MAP4: variants seen among roughly 807,000 people sequenced by gnomAD.
MAP4 encodes the protein microtubule associated protein 4.
A neutral mutation model predicts 170.2 loss-of-function variants in MAP4; 76 were observed. That is an observed-to-expected ratio of 0.45 (90% confidence interval 0.37 to 0.54). MAP4 has a LOEUF of 0.54. MAP4 is among the 20% of genes least tolerant of loss of function. MAP4 has a pLI of 0.00. For missense variants in MAP4, 2,506 were observed against 2,748.0 expected (o/e 0.91, Z 1.97); for synonymous variants, 909 against 994.5 (o/e 0.91, Z 1.62).
At chr3:47,997,326 TA>T in intron 2 of MAP4, among the ~76,000 whole-genome samples, 979 of 44,970 alleles carry the variant, frequency 0.022, 20 homozygotes, top group African/African-American at 0.06. Context: ...TTTAAACTGC[TA>T]AAAAAAAAAA....
intron 10 of MAP4, chr3:47,891,189 T>C: frequency 6.5e-7 from 1 of 1,536,190 alleles, no homozygotes. Flanking sequence ...TCCTGCCCTT[T>C]TTCCTTGCTG....
At chr3:47,963,309 T>C (rs781570097) in intron 3 of MAP4, among the ~76,000 whole-genome samples, 2 of 152,250 alleles carry the variant, frequency 1.3e-5, no homozygotes, top group Non-Finnish European at 2.9e-5. Flanking sequence ...ATCATTCTAA[T>C]ATCATCTTAC....
At chr3:47,907,886 T>C (rs1197385017) in intron 9 of MAP4, among the ~76,000 whole-genome samples, 4 of 152,178 alleles carry the variant, frequency 2.6e-5, no homozygotes, top group Non-Finnish European at 4.4e-5. Flanking sequence ...CTTATGCAAA[T>C]AACAACCTTT....
rs2095780833 is a variant in MAP4, at chr3:47,877,621, C to A, written c.5435-98G>T. 11 of 733,842 alleles carry A rather than the reference C, an allele frequency of 1.5e-5. No homozygotes were observed. In the South Asian group the frequency reaches 1.9e-4, roughly 13 times the overall value. The allele number at this position is 733,842 out of a possible 1,614,324, so 45.5% of individuals were successfully genotyped here. ...AGCAAAGACAGACCACTAACTAGCA[C>A]TTCATTCTGAAAAAAGTCCACAGGG... On this transcript the variant is annotated intron_variant, in intron 10 of 20. Coordinates refer to ENST00000683076, the MANE Select transcript of MAP4 (RefSeq NM_001385682.1).
intron 1 of MAP4, among the ~76,000 whole-genome samples, chr3:48,037,953 G>A (rs1258030268): frequency 6.6e-6 from 1 of 152,092 alleles, no homozygotes; most frequent in Non-Finnish European, 1.5e-5. Context: ...GATCACCTGA[G>A]GTCAGGAGTT....
intron 2 of MAP4, among the ~76,000 whole-genome samples, chr3:47,987,963 G>A (rs1484241200): frequency 6.6e-5 from 10 of 152,142 alleles, no homozygotes; most frequent in Non-Finnish European, 1.0e-4. Flanking sequence ...GGGAGGCTAC[G>A]GTGGGCGGAT....
rs1164439426 is a variant in MAP4, at chr3:47,911,969, T to C, written c.2452A>G (p.Thr818Ala). Residue 818 changes from threonine (T) to alanine (A), a missense_variant, in exon 9 of 21, where the codon ACT (threonine) becomes GCT (alanine). Thr to Ala is a moderately conservative substitution (Grantham distance 58, BLOSUM62 0). This residue lies in a region of MAP4 where 2,008 missense variants were observed against 2,206.0 expected (regional missense o/e 0.91). Coordinates refer to ENST00000683076, the MANE Select transcript of MAP4 (RefSeq NM_001385682.1). This position sits in a 1 kb window ranked among gnomAD's most constrained non-coding sequence, Gnocchi z 4.0. ...KSGVLPSQPT[T>A]MGTEYGLVSG... ...ACAAGTCCATATTCTGTACCCATAG[T>C]GGTAGGCTGGCTGGGGAGAACACCT... 6.5e-7 allele frequency: 1 copy of C among 1,535,986 alleles called. No homozygotes were observed. Among genetic ancestry groups the C allele is most frequent in the Non-Finnish European group, 8.7e-7 (1 of 1,146,902 alleles).
At chr3:47,880,340 C>A (rs1295140459) in intron 10 of MAP4, among the ~76,000 whole-genome samples, 2 of 149,724 alleles carry the variant, frequency 1.3e-5, no homozygotes, top group East Asian at 2.0e-4. Context: ...CATCTCCTGA[C>A]CTCGTGATCC....
intron 10 of MAP4, among the ~76,000 whole-genome samples, chr3:47,901,519 T>C (rs1300154727): frequency 6.6e-6 from 1 of 151,804 alleles, no homozygotes; most frequent in Non-Finnish European, 1.5e-5. Flanking sequence ...CTACAAAAAA[T>C]ACAAAAATTA....
At chr3:47,978,095 A>T (rs541766300) in intron 2 of MAP4, among the ~76,000 whole-genome samples, 162 bp from the exon 3 acceptor site, 1 of 152,318 alleles carries the variant, frequency 6.6e-6, no homozygotes, top group South Asian at 2.1e-4. Context: ...GAAACCCAGA[A>T]ACAGAACTGA....
chr3:47,933,893 C>A (rs982804510), intron 3 of MAP4, among the ~76,000 whole-genome samples: 1 of 152,176 alleles, frequency 6.6e-6, no homozygotes, highest in Non-Finnish European at 1.5e-5. Context: ...TGTGTCACTG[C>A]ACCTGGCCCC....
chr3:47,852,796 T>TGGACAGCCCG lies in MAP4; in HGVS notation c.*128_*137dup. Reference sequence around the variant, plus strand: ...GGCGCCCAAGCGCTCACTGGTCTAGTGGACAGCCCGGGAAAGGGGGCCAAG... The same window carrying TGGACAGCCCG: ...GGCGCCCAAGCGCTCACTGGTCTAGTGGACAGCCCGGGACAGCCCGGGAAAGGGGGCCAAG... On this transcript the variant is annotated 3_prime_UTR_variant, in exon 21 of 21. Transcript: ENST00000683076. The TGGACAGCCCG allele has an allele frequency of 6.5e-7, 1 of 1,548,738 alleles. No individual in the cohort carries two copies. Among genetic ancestry groups the TGGACAGCCCG allele is most frequent in the Non-Finnish European group, 8.7e-7 (1 of 1,146,850 alleles).
chr3:47,952,584 A>AC (rs1344123827), intron 3 of MAP4, among the ~76,000 whole-genome samples: 1 of 151,508 alleles, frequency 6.6e-6, no homozygotes, highest in Non-Finnish European at 1.5e-5. Context: ...CTATGACCTT[A>AC]CCCCCAACCC....
intron 17 of MAP4, among the ~76,000 whole-genome samples, chr3:47,864,596 C>G (rs2076151619): frequency 6.6e-6 from 1 of 152,036 alleles, no homozygotes; most frequent in Admixed American, 6.5e-5. Flanking sequence ...AGAATAGCAT[C>G]AATCCGGGAG....
chr3:47,916,312 G>T lies in MAP4; in HGVS notation c.1515C>A (p.Asp505Glu). ...STVKEVGLLK[D>E]MSPLSETEMA... ...TTTCTGTTTCTGATAGTGGAGACAT[G>T]TCCTTCAACAAGCCCACTTCTTTTA... The change falls in exon 7 of 21, where the codon GAC (aspartate) becomes GAA (glutamate). Residue 505 changes from aspartate to glutamate, a missense_variant. Asp to Glu is a conservative substitution (Grantham distance 45, BLOSUM62 2). This residue lies in a region of MAP4 where 2,008 missense variants were observed against 2,206.0 expected (regional missense o/e 0.91). Coordinates refer to ENST00000683076, the MANE Select transcript of MAP4 (RefSeq NM_001385682.1). The T allele has an allele frequency of 6.2e-7, 1 of 1,614,262 alleles. No individual in the cohort carries two copies. Among genetic ancestry groups the T allele is most frequent in the Non-Finnish European group, 8.5e-7 (1 of 1,180,052 alleles).
At chr3:47,920,466 C>T (rs1442461369) in intron 5 of MAP4, among the ~76,000 whole-genome samples, 2 of 151,662 alleles carry the variant, frequency 1.3e-5, no homozygotes, top group African/African-American at 4.8e-5. Flanking sequence ...TGGTCTTGAA[C>T]TCCTGGCCTC....
At chr3:47,861,675 C>T (rs1318276017) in intron 17 of MAP4, among the ~76,000 whole-genome samples, 1 of 151,616 alleles carries the variant, frequency 6.6e-6, no homozygotes, top group Admixed American at 6.6e-5. Flanking sequence ...AAAACAACAA[C>T]AACAACAACA....
At chr3:47,989,250 A>T (rs951250608) in intron 2 of MAP4, among the ~76,000 whole-genome samples, 4 of 152,214 alleles carry the variant, frequency 2.6e-5, no homozygotes, top group Admixed American at 6.5e-5. Context: ...ATCTCTATTT[A>T]AAAAATATTG....
At chr3:48,080,011 G>A (rs1231539963) in intron 1 of MAP4, among the ~76,000 whole-genome samples, 1 of 151,904 alleles carries the variant, frequency 6.6e-6, no homozygotes, top group Non-Finnish European at 1.5e-5. Flanking sequence ...AATAATAAAA[G>A]GCTTAGAAAG....
Sources: gnomAD v4.1 joint callset for allele counts (sites outside exome capture counted in the v4.1 genomes callset) on GRCh38, gnomAD v4.1.1 for gene constraint, gnomAD v4.1.1 regional missense constraint, Gnocchi (gnomAD v3.1) non-coding constraint, MANE v1.5 for transcripts, NCBI Gene and HGNC (gene_info 2026-07-23, HGNC 2026-07-21) for gene names.